Variants in PNKP observed in about 807,000 individuals in gnomAD.
PNKP encodes bifunctional polynucleotide phosphatase/kinase.
A neutral mutation model predicts 66.2 loss-of-function variants in PNKP; 82 were observed. The observed-to-expected ratio is 1.24, with a 90% CI of 1.04 to 1.49. The LOEUF is 1.49. PNKP is among the 40% of genes most tolerant of loss of function. PNKP has a pLI of 0.00. For synonymous variants in PNKP, 412 were observed against 298.9 expected (o/e 1.38, Z -3.90); for missense variants, 907 against 706.8 (o/e 1.28, Z -3.21).
At chr19:49,864,631 A>G (rs2074804764) in intron 4 of PNKP, among the ~76,000 whole-genome samples, 1 of 152,146 alleles carries the variant, frequency 6.6e-6, no homozygotes, top group Non-Finnish European at 1.5e-5. Context: ...CGCCAGCCCC[A>G]GGATTACAGT....
Position 49,864,211 on chromosome 19 carries a change from T to TA in PNKP, c.603dup (p.Lys202Ter), listed in dbSNP as rs796052859. The TA allele has an allele frequency of 1.5e-5, 25 of 1,614,138 alleles. No individual in the cohort carries two copies. The Admixed American group carries it at 2.7e-4, about 17-fold the overall frequency. On this transcript the variant is annotated frameshift_variant, in exon 6 of 17. Coordinates refer to ENST00000322344, the MANE Select transcript of PNKP (RefSeq NM_007254.4). LOFTEE classifies it high-confidence loss of function. The stretch of plus-strand genomic sequence containing the variant: ...CCCTCGGCTTCCAGCTCTCGGAGCT[T>TA]ACGGGGAATCTCTGGGTACAAGATC...
intron 16 of PNKP, 25 bp from the exon 17 acceptor site, chr19:49,861,390 G>C (rs1243572923): frequency 1.2e-6 from 2 of 1,613,694 alleles, no homozygotes. Context: ...AACAGTGAGG[G>C]ACAGCCTGGA....
chr19:49,861,380 AAC>A lies in PNKP; in HGVS notation c.1449-17_1449-16del. The A allele has an allele frequency of 6.2e-7, 1 of 1,613,914 alleles. No individual in the cohort carries two copies. Among genetic ancestry groups the A allele is most frequent in the Non-Finnish European group, 8.5e-7 (1 of 1,179,828 alleles). ...CGAACTGCTTCCTGGCAGTGGTGGG[AAC>A]AGTGAGGGACAGCCTGGATCATGTG... On this transcript the variant is annotated splice_polypyrimidine_tract_variant and intron_variant, in intron 16 of 16. Transcript: ENST00000322344.
In PNKP at chr19:49,866,787, T is replaced by C. The variant is rs1600423112; in HGVS notation, c.151+267A>G. On this transcript the variant is annotated intron_variant, in intron 2 of 16. Coordinates refer to ENST00000322344, the MANE Select transcript of PNKP (RefSeq NM_007254.4). ...AGGATCATTTTTCTCTTGACGAAGG[T>C]CGTCGCCTGTTTCTGGATTTCCCGA... 2.0e-5 allele frequency: 12 copies of C among 597,192 alleles called. No homozygotes were observed. The East Asian group carries it at 3.4e-4, about 17-fold the overall frequency. The allele number at this position is 597,192 out of a possible 1,614,324, so 37.0% of individuals were successfully genotyped here.
intron 13 of PNKP, 64 bp from the exon 14 acceptor site, chr19:49,861,945 GA>G: frequency 6.4e-7 from 1 of 1,573,266 alleles, no homozygotes; most frequent in Non-Finnish European, 8.7e-7. Flanking sequence ...CCCGAGCGGG[GA>G]CGGGGAGGCA....
chr19:49,866,323 C>T (rs527532250), intron 3 of PNKP, 76 bp downstream of exon 3: 9 of 1,323,866 alleles, frequency 6.8e-6, no homozygotes, highest in African/African-American at 2.9e-5. Flanking sequence ...CCTAATGTAC[C>T]CCTTCACTGA....
Position 49,862,387 on chromosome 19 carries a change from AGCTCGAAGCCG to A in PNKP, c.1002_1012del (p.Gly335ProfsTer4). ...GGGCCTCACCGGATCAAAGGCTGGG[AGCTCGAAGCCG>A]GCTGCTGGCCACTTGAGAAAGAACT... is the stretch of plus-strand genomic sequence containing the variant. On this transcript the variant is annotated frameshift_variant, in exon 11 of 17. Transcript: ENST00000322344. LOFTEE classifies it high-confidence loss of function. 1 of 1,346,216 alleles carries A rather than the reference AGCTCGAAGCCG, an allele frequency of 7.4e-7. No homozygotes were observed. The highest frequency in any genetic ancestry group is 9.9e-7 in the Non-Finnish European group (1 of 1,015,160). The allele number at this position is 1,346,216 out of a possible 1,614,324, so 83.4% of individuals were successfully genotyped here.
rs1368750625 is a variant in PNKP at position 49,863,381 on chromosome 19, T to C, written c.816+308A>G. On this transcript the variant is annotated intron_variant, in intron 8 of 16. Transcript: ENST00000322344. The stretch of plus-strand genomic sequence containing the variant: ...CCGCCTAGAGTCACCGCCCTCGCCG[T>C]GAGGGCCCTGCTGGAGCAGGCCGTC... Among the ~76,000 whole-genome samples, 7 of 152,316 alleles carry C rather than the reference T, an allele frequency of 4.6e-5. No individual in the cohort carries two copies. The East Asian group carries it at 1.4e-3, about 29-fold the overall frequency.
In PNKP at chr19:49,862,366, C is replaced by T; in HGVS notation, c.1029+5G>A. On this transcript the variant is annotated splice_donor_5th_base_variant and intron_variant, in intron 11 of 16. Transcript: ENST00000322344. ...CCCACCCCCACCCCCGCCCCAGGGC[C>T]TCACCGGATCAAAGGCTGGGAGCTC... The T allele has an allele frequency of 6.7e-7, 1 of 1,492,038 alleles. No individual in the cohort carries two copies. The highest frequency in any genetic ancestry group is 9.1e-7 in the Non-Finnish European group (1 of 1,094,396). 92.4% of individuals were successfully genotyped at this position (1,492,038 alleles called of 1,614,324 possible). A position where few individuals can be genotyped will look rare whatever the true frequency, so the allele number is the denominator to read the frequency against.
In PNKP at chr19:49,861,293, C is replaced by A; in HGVS notation, c.1521G>T (p.Val507=). 6.2e-7 allele frequency: 1 copy of A among 1,614,006 alleles called. No individual in the cohort carries two copies. Among genetic ancestry groups the A allele is most frequent in the East Asian group, 2.2e-5 (1 of 44,868 alleles). The change falls in exon 17 of 17, where the codon GTG becomes GTT. Residue 507 remains valine (V), a synonymous_variant. Transcript: ENST00000322344. The stretch of plus-strand genomic sequence containing the variant: ...AGTACAGCCGCCCCAGCCTCGGCTC[C>A]ACCCATAGCCGGAACGGGATCTCCA... The part of the protein sequence containing the change: ...AILEIPFRLW[V]EPRLGRLYCQ...
Position 49,862,478 on chromosome 19 carries a change from C to G in PNKP, c.937-15G>C, listed in dbSNP as rs200183796. On this transcript the variant is annotated splice_polypyrimidine_tract_variant and intron_variant, in intron 10 of 16. Transcript: ENST00000322344. The stretch of plus-strand genomic sequence containing the variant: ...TTGAGGGCAAACTAGGGGTTGAGGA[C>G]GAACATCAGACACAGGCCAGGGTCG... 6.3e-7 allele frequency: 1 copy of G among 1,594,102 alleles called. No individual in the cohort carries two copies. The highest frequency in any genetic ancestry group is 2.3e-5 in the East Asian group (1 of 43,954).
chr19:49,864,555 G>T (rs1006890687), intron 4 of PNKP, 152 bp from the exon 5 acceptor site: 18 of 724,324 alleles, frequency 2.5e-5, no homozygotes, highest in Non-Finnish European at 4.3e-5. Context: ...TCCATCTCAA[G>T]CATCCGTGAT....
At position 49,862,224 on chromosome 19, in the gene PNKP, C is replaced by T. The variant is rs1187151464; in HGVS notation, c.1087G>A (p.Ala363Thr). ...CLPESRALLS[A>T]SPEVVVAVGF... ...ACTGCGACAACCACCTCCGGGCTGG[C>T]GCTCAGGAGGGCCCTGGACTCGGGG... Residue 363 changes from alanine (A) to threonine (T), a missense_variant, in exon 12 of 17, where the codon GCC becomes ACC. Physicochemically the swap from Ala to Thr is moderately conservative, Grantham distance 58 (BLOSUM62 0). Transcript: ENST00000322344. 5.0e-6 allele frequency: 8 copies of T among 1,612,746 alleles called. No homozygotes were observed. Among genetic ancestry groups the T allele is most frequent in the Admixed American group, 1.7e-5 (1 of 59,826 alleles).
rs751820948 is a variant in PNKP at position 49,864,204 on chromosome 19, C to T, written c.611G>A (p.Arg204Gln). 10 of 1,614,054 alleles carry T rather than the reference C, an allele frequency of 6.2e-6. No homozygotes were observed. Among genetic ancestry groups the T allele is most frequent in the African/African-American group, 5.3e-5 (4 of 74,932 alleles). ...CTTGTAGCCCTCGGCTTCCAGCTCTCGGAGCTTACGGGGAATCTCTGGGTA... is the reference window on the plus strand; with the variant it reads ...CTTGTAGCCCTCGGCTTCCAGCTCTTGGAGCTTACGGGGAATCTCTGGGTA... ...ILYPEIPRKL[R>Q]ELEAEGYKLV... The change falls in exon 6 of 17, where the codon CGA becomes CAA. Residue 204 changes from arginine to glutamine, a missense_variant. Transcript: ENST00000322344.
In PNKP at chr19:49,861,205, C is replaced by T. The variant is rs202061196; in HGVS notation, c.*43G>A. 509 of 1,382,264 alleles carry T rather than the reference C, an allele frequency of 3.7e-4. No homozygotes were observed. Among genetic ancestry groups the T allele is most frequent in the Non-Finnish European group, 4.9e-4 (472 of 970,022 alleles). 85.6% of individuals were successfully genotyped at this position (1,382,264 alleles called of 1,614,324 possible). A position where few individuals can be genotyped will look rare whatever the true frequency, so the allele number is the denominator to read the frequency against. On this transcript the variant is annotated 3_prime_UTR_variant, in exon 17 of 17. Coordinates refer to ENST00000322344, the MANE Select transcript of PNKP (RefSeq NM_007254.4). ...CTTCCAGCAAAATGCCGGCCAAGCT[C>T]AAGGAGAAACAGCGTTTATTGTGGA...
chr19:49,862,894 TG>T, intron 8 of PNKP, 156 bp from the exon 9 acceptor site: 2 of 788,652 alleles, frequency 2.5e-6, no homozygotes, highest in Non-Finnish European at 4.3e-6. Context: ...ACCGTGCTCC[TG>T]GCCCCCTCCC....
rs1042831313 is a variant in PNKP at position 49,862,105 on chromosome 19, G to A, written c.1127C>T (p.Ala376Val). Residue 376 changes from alanine to valine, a missense_variant and splice_region_variant, in exon 13 of 17, where the codon GCC becomes GTC. Physicochemically the swap from Ala to Val is moderately conservative, Grantham distance 64. Transcript: ENST00000322344. ...CTTCTTGAGAAAGGTGGACTTCCCG[G>A]CTGTGTGGGGGGCAGTGTCGGTGGG... ...EVVVAVGFPGAGKSTFLKKHL... is the reference protein window; with the variant it reads ...EVVVAVGFPGVGKSTFLKKHL... 3 of 1,614,040 alleles carry A rather than the reference G, an allele frequency of 1.9e-6. No homozygotes were observed. The South Asian group carries it at 3.3e-5, about 18-fold the overall frequency.
rs376854895 is a variant in PNKP, at chr19:49,861,609, C to T, written c.1385G>A (p.Arg462Gln). 1.9e-4 allele frequency: 300 copies of T among 1,558,280 alleles called. 2 individuals are homozygous for T. The Admixed American group carries it at 5.7e-3, about 30-fold the overall frequency. Reference protein sequence around the residue: ...ATLEQARHNNRFREMTDSSHI... With the variant: ...ATLEQARHNNQFREMTDSSHI... The stretch of plus-strand genomic sequence containing the variant: ...GGTGTCCGGGCTGAGCGGGCTCACC[C>T]GGTTGTTGTGGCGCGCCTGCTCCAG... The change falls in exon 15 of 17, where the codon CGG becomes CAG. Residue 462 changes from arginine to glutamine, a missense_variant and splice_region_variant. Physicochemically the swap from Arg to Gln is conservative, Grantham distance 43. Coordinates refer to ENST00000322344, the MANE Select transcript of PNKP (RefSeq NM_007254.4).
intron 3 of PNKP, 23 bp from the exon 4 acceptor site, chr19:49,865,449 T>TG: frequency 1.3e-6 from 2 of 1,557,334 alleles, no homozygotes; most frequent in Non-Finnish European, 1.7e-6. Flanking sequence ...AGGGAGGAGC[T>TG]GGGACTGGCT....
Sources: gnomAD v4.1 joint callset for allele counts (sites outside exome capture counted in the v4.1 genomes callset) on GRCh38, gnomAD v4.1.1 for gene constraint, MANE v1.5 for transcripts, NCBI Gene and HGNC (gene_info 2026-07-23, HGNC 2026-07-21) for gene names.